The following LMBRD1 variants were observed in gnomAD, a reference collection of about 807,000 sequenced individuals.
The protein encoded by LMBRD1 is lysosomal cobalamin transport escort protein LMBD1.
In LMBRD1, 64 loss-of-function variants were observed where a neutral mutation model predicts 74.8. The ratio of observed to expected loss-of-function variants is 0.86; its 90% CI spans 0.70 to 1.05. The LOEUF is 1.05. Among genes scored for constraint, LMBRD1 ranks in the 50% least tolerant of loss-of-function variants. LMBRD1 has a pLI of 0.00. For missense variants in LMBRD1, 652 were observed against 645.9 expected (o/e 1.01, Z -0.10); for synonymous variants, 204 against 216.3 (o/e 0.94, Z 0.50).
intron 9 of LMBRD1, among the ~76,000 whole-genome samples, chr6:69,713,197 C>T (rs1401458776): frequency 6.6e-6 from 1 of 152,014 alleles, no homozygotes; most frequent in Admixed American, 6.6e-5. Context: ...GTCAATCCAA[C>T]ATAGTGCTGG....
intron 3 of LMBRD1, among the ~76,000 whole-genome samples, chr6:69,760,915 T>C (rs1234615616): frequency 6.6e-6 from 1 of 152,150 alleles, no homozygotes; most frequent in Non-Finnish European, 1.5e-5. Context: ...AGAGCTTACA[T>C]GTCAACTCTC....
intron 3 of LMBRD1, among the ~76,000 whole-genome samples, chr6:69,774,948 TGGAAGGAAGGAA>T (rs1157907347): frequency 0.023 from 889 of 38,622 alleles, 15 homozygotes; most frequent in African/African-American, 0.029. Context: ...TACAGTGAGA[TGGAAGGAAGGAA>T]GGAAGGAAGG....
chr6:69,684,883 A>C (rs1430301982), intron 14 of LMBRD1, among the ~76,000 whole-genome samples: 1 of 152,194 alleles, frequency 6.6e-6, no homozygotes, highest in Non-Finnish European at 1.5e-5. Flanking sequence ...AATATTAGGC[A>C]TACTAACATC....
At chr6:69,694,218 A>G (rs1190120747) in intron 14 of LMBRD1, among the ~76,000 whole-genome samples, 1 of 152,156 alleles carries the variant, frequency 6.6e-6, no homozygotes, top group Non-Finnish European at 1.5e-5. Context: ...TCAGTTCAAC[A>G]TAATTTTGAA....
intron 7 of LMBRD1, among the ~76,000 whole-genome samples, chr6:69,732,873 T>C (rs1231732841): frequency 6.6e-6 from 1 of 152,198 alleles, no homozygotes; most frequent in Non-Finnish European, 1.5e-5. Flanking sequence ...TCTACATATA[T>C]ATCCGTGCCT....
At chr6:69,710,604 C>T (rs1766361833) in intron 9 of LMBRD1, among the ~76,000 whole-genome samples, 3 of 152,018 alleles carry the variant, frequency 2.0e-5, no homozygotes, top group Admixed American at 2.0e-4. Flanking sequence ...GTGCTAGATC[C>T]AGACTATATA....
chr6:69,687,623 A>C (rs1190148097), intron 14 of LMBRD1, among the ~76,000 whole-genome samples: 1 of 152,234 alleles, frequency 6.6e-6, no homozygotes, highest in Non-Finnish European at 1.5e-5. Context: ...CCGTATTACT[A>C]AAGAAGATAT....
At chr6:69,746,177 T>G (rs1264085571) in intron 5 of LMBRD1, 1 of 154,164 alleles carries the variant, frequency 6.5e-6, no homozygotes, top group East Asian at 1.9e-4. Context: ...GCATCTTCAC[T>G]ACCATGAAGA....
intron 14 of LMBRD1, among the ~76,000 whole-genome samples, chr6:69,678,010 C>T (rs1290757461): frequency 6.6e-6 from 1 of 152,034 alleles, no homozygotes; most frequent in African/African-American, 2.4e-5. Flanking sequence ...GACCCTCAAG[C>T]AAAACAGGTT....
rs149269326 is a variant in LMBRD1, at chr6:69,701,237, T to C, written c.1083+206A>G. 7.8e-4 allele frequency among the ~76,000 whole-genome samples: 119 copies of C among 151,904 alleles called. 2 individuals are homozygous for C. The East Asian group carries it at 0.017, about 21-fold the overall frequency. ...TATAACATAAAAGTCCAGGAATATA[T>C]CAATATGATATTTAAAGCAACATGT... is the stretch of plus-strand genomic sequence containing the variant. On this transcript the variant is annotated intron_variant, in intron 11 of 15. Transcript: ENST00000649934.
intron 1 of LMBRD1, 95 bp from the exon 2 acceptor site, chr6:69,790,567 GAAGTA>G: frequency 2.4e-6 from 3 of 1,226,952 alleles, no homozygotes; most frequent in Non-Finnish European, 2.4e-6. Context: ...AACCTTATGT[GAAGTA>G]AAGGTTATTT....
chr6:69,696,747 T>A (rs1219207161), intron 14 of LMBRD1, among the ~76,000 whole-genome samples: 2 of 152,114 alleles, frequency 1.3e-5, no homozygotes, highest in African/African-American at 4.8e-5. Flanking sequence ...TCCCTGTACC[T>A]TATACTTGTT....
chr6:69,681,763 G>A (rs1280568358), intron 14 of LMBRD1, among the ~76,000 whole-genome samples: 1 of 151,904 alleles, frequency 6.6e-6, no homozygotes, highest in Non-Finnish European at 1.5e-5. Flanking sequence ...GGCTGCCCAT[G>A]ACTGTGCCAA....
chr6:69,774,806 G>A (rs1320900172), intron 3 of LMBRD1, among the ~76,000 whole-genome samples: 11 of 151,946 alleles, frequency 7.2e-5, no homozygotes, highest in South Asian at 4.2e-4. Flanking sequence ...TAAAAGAAAA[G>A]AGTAGGCTGA....
chr6:69,705,412 T>A (rs1456700431), intron 9 of LMBRD1: 4 of 1,183,206 alleles, frequency 3.4e-6, no homozygotes, highest in Admixed American at 3.4e-5. Context: ...TTTTCTATAC[T>A]TGCTTGCATT....
At chr6:69,741,898 GT>G in intron 5 of LMBRD1, 21 bp from the exon 6 acceptor site, 1 of 1,323,112 alleles carries the variant, frequency 7.6e-7, no homozygotes, top group Non-Finnish European at 1.1e-6. Context: ...GAAAATAATT[GT>G]TTTAATAGCT....
At chr6:69,705,925 A>G (rs2149847997) in intron 9 of LMBRD1, 3 of 1,225,156 alleles carry the variant, frequency 2.4e-6, no homozygotes, top group South Asian at 2.4e-5. Flanking sequence ...AGACATTTTC[A>G]AAGTTGCCAG....
At chr6:69,688,550 TAA>T (rs1038609143) in intron 14 of LMBRD1, among the ~76,000 whole-genome samples, 39 of 152,104 alleles carry the variant, frequency 2.6e-4, no homozygotes, top group Middle Eastern at 3.4e-3. Flanking sequence ...TTTAATTTTT[TAA>T]AAGTTTCAGT....
At chr6:69,776,061 G>T (rs1488144658) in intron 3 of LMBRD1, among the ~76,000 whole-genome samples, 2 of 152,266 alleles carry the variant, frequency 1.3e-5, no homozygotes, top group Admixed American at 6.5e-5. Flanking sequence ...AACAAATGTG[G>T]TTTTTTCAAT....
Sources: gnomAD v4.1 joint callset for allele counts (sites outside exome capture counted in the v4.1 genomes callset) on GRCh38, gnomAD v4.1.1 for gene constraint, MANE v1.5 for transcripts, NCBI Gene and HGNC (gene_info 2026-07-23, HGNC 2026-07-21) for gene names.